ATP8A1: variants seen among roughly 807,000 people sequenced by gnomAD.
The protein encoded by ATP8A1 is phospholipid-transporting ATPase IA.
Under a neutral mutation model 177.7 loss-of-function variants are expected in ATP8A1, and 90 were observed. The ratio of observed to expected loss-of-function variants is 0.51; its 90% CI spans 0.43 to 0.60. ATP8A1 has a LOEUF of 0.60. Ranked by LOEUF, ATP8A1 falls within the 20% of genes least tolerant of loss-of-function variation. The pLI is 0.00. For synonymous variants in ATP8A1, 493 were observed against 485.9 expected, an observed-to-expected ratio of 1.01 and a Z score of -0.19; for missense variants, 1,072 against 1,392.8, an observed-to-expected ratio of 0.77 and a Z score of 3.67.
intron 20 of ATP8A1, among the ~76,000 whole-genome samples, chr4:42,537,669 A>C (rs577687499): frequency 7.2e-4 from 110 of 152,300 alleles, no homozygotes; most frequent in Non-Finnish European, 1.1e-3. Context: ...CAATAGCTGC[A>C]AAAAAATAAA....
Position 42,656,896 on chromosome 4 carries a change from T to C in ATP8A1, c.-23A>G. ...CATCGCGGCGGCGGCTGCAGGTGGG[T>C]CCTCAGCCCGGACTCTGCACCTGTC... On this transcript the variant is annotated 5_prime_UTR_variant, in exon 1 of 37. Transcript: ENST00000381668. 6.4e-7 allele frequency: 1 copy of C among 1,569,520 alleles called. No individual in the cohort carries two copies.
intron 33 of ATP8A1, among the ~76,000 whole-genome samples, chr4:42,440,514 A>G (rs1716505442): frequency 6.6e-6 from 1 of 152,114 alleles, no homozygotes; most frequent in Admixed American, 6.6e-5. Context: ...GCACTAGAAA[A>G]GTGAGCTATG....
rs1289554647 is a variant in ATP8A1 at position 42,535,937 on chromosome 4, A to G, written c.1722+7980T>C. Among the ~76,000 whole-genome samples the G allele has an allele frequency of 2.0e-5, 3 of 152,350 alleles. No individual in the cohort carries two copies. The East Asian group carries it at 5.8e-4, about 29-fold the overall frequency. On this transcript the variant is annotated intron_variant, in intron 20 of 36. Transcript: ENST00000381668. ...CTGAATAATAGTGACACAAACTATC[A>G]AAACCTCTGGGACACAGCACAAGGG... is the stretch of plus-strand genomic sequence containing the variant.
intron 25 of ATP8A1, among the ~76,000 whole-genome samples, chr4:42,469,655 T>C (rs1234455596): frequency 6.6e-6 from 1 of 152,196 alleles, no homozygotes; most frequent in Admixed American, 6.5e-5. Context: ...AGAATTTGAC[T>C]TGGCCTTTGA....
intron 1 of ATP8A1, among the ~76,000 whole-genome samples, chr4:42,634,398 T>G (rs894573273): frequency 6.6e-5 from 10 of 152,248 alleles, no homozygotes; most frequent in African/African-American, 2.4e-4. Flanking sequence ...AAATTAATTT[T>G]GCCCATTACT....
chr4:42,576,509 G>C (rs1202690642), intron 12 of ATP8A1, among the ~76,000 whole-genome samples: 1 of 91,136 alleles, frequency 1.1e-5, no homozygotes, highest in Admixed American at 1.1e-4. Flanking sequence ...AAAAAAAAGA[G>C]CATAGTTTTT....
chr4:42,458,227 A>T (rs1422213759), intron 27 of ATP8A1, among the ~76,000 whole-genome samples: 3 of 152,226 alleles, frequency 2.0e-5, no homozygotes, highest in Non-Finnish European at 4.4e-5. Flanking sequence ...AACACATAAA[A>T]GTACCTCCTC....
rs149713378 is a variant in ATP8A1, at chr4:42,449,413, C to T, written c.2896+2568G>A. 2.0e-4 allele frequency among the ~76,000 whole-genome samples: 30 copies of T among 152,294 alleles called. No individual in the cohort carries two copies. In the East Asian group the frequency reaches 5.6e-3, roughly 28 times the overall value. On this transcript the variant is annotated intron_variant, in intron 30 of 36. Coordinates refer to ENST00000381668, the MANE Select transcript of ATP8A1 (RefSeq NM_006095.2). ...AATGACTACTAGCACAGTGGTACCA[C>T]TGTTTGTGGATGGCAAAAGGGTCTT... is the stretch of plus-strand genomic sequence containing the variant.
chr4:42,608,197 C>A (rs967980072), intron 5 of ATP8A1, among the ~76,000 whole-genome samples: 17 of 152,126 alleles, frequency 1.1e-4, no homozygotes, highest in Non-Finnish European at 1.3e-4. Flanking sequence ...GCCAGTTTCT[C>A]AGGACCCAAT....
intron 5 of ATP8A1, among the ~76,000 whole-genome samples, chr4:42,600,745 T>C (rs980605856): frequency 2.0e-5 from 3 of 152,196 alleles, no homozygotes; most frequent in Non-Finnish European, 4.4e-5. Context: ...GAGCATCTGA[T>C]TGGTGTTACC....
chr4:42,452,877 ATAG>A (rs1391275740), intron 29 of ATP8A1, among the ~76,000 whole-genome samples: 1 of 152,222 alleles, frequency 6.6e-6, no homozygotes, highest in East Asian at 1.9e-4. Flanking sequence ...GCATGTATTA[ATAG>A]TTTTAAGCTG....
intron 24 of ATP8A1, among the ~76,000 whole-genome samples, chr4:42,499,999 T>C (rs1723689234): frequency 1.3e-5 from 2 of 152,372 alleles, no homozygotes; most frequent in African/African-American, 4.8e-5. Flanking sequence ...TGGGCATTGC[T>C]GTGGAGTTAG....
chr4:42,455,052 C>G (rs762184484), intron 29 of ATP8A1, among the ~76,000 whole-genome samples: 10 of 152,152 alleles, frequency 6.6e-5, no homozygotes, highest in Non-Finnish European at 1.2e-4. Flanking sequence ...TGCTGCCTTA[C>G]AAACCCAAGT....
intron 3 of ATP8A1, among the ~76,000 whole-genome samples, 194 bp from the exon 4 acceptor site, chr4:42,624,828 C>T (rs1737876654): frequency 6.6e-6 from 1 of 152,046 alleles, no homozygotes; most frequent in African/African-American, 2.4e-5. Context: ...TCACAGTAAG[C>T]AGTTGTATAT....
rs777578432 is a variant in ATP8A1 at position 42,600,522 on chromosome 4, G to C, written c.410-4C>G. On this transcript the variant is annotated splice_region_variant and splice_polypyrimidine_tract_variant and intron_variant, in intron 5 of 36. Transcript: ENST00000381668. ...TCCCAAGCACCATTTCTCAAAACTG[G>C]AAAGAGAAAAGGTGACATTTTAAAC... 1.2e-6 allele frequency: 2 copies of C among 1,608,150 alleles called. No homozygotes were observed. The highest frequency in any genetic ancestry group is 2.2e-5 in the East Asian group (1 of 44,512).
At chr4:42,651,914 C>T (rs1377870273) in intron 1 of ATP8A1, among the ~76,000 whole-genome samples, 1 of 152,210 alleles carries the variant, frequency 6.6e-6, no homozygotes, top group East Asian at 1.9e-4. Flanking sequence ...CAGTCTGTTT[C>T]CAGATTTCAA....
At chr4:42,631,729 T>A (rs192764031) in intron 1 of ATP8A1, among the ~76,000 whole-genome samples, 360 of 152,306 alleles carry the variant, frequency 2.4e-3, no homozygotes, top group Admixed American at 4.4e-3. Context: ...ATTTCCACCT[T>A]CGAACACAAA....
At chr4:42,570,007 T>C (rs1362863734) in intron 14 of ATP8A1, among the ~76,000 whole-genome samples, 1 of 152,208 alleles carries the variant, frequency 6.6e-6, no homozygotes, top group Non-Finnish European at 1.5e-5. Flanking sequence ...TTATTAGACA[T>C]GGAGTTTTAA....
intron 25 of ATP8A1, chr4:42,472,013 A>G (rs529009121): frequency 1.9e-5 from 14 of 720,062 alleles, no homozygotes; most frequent in Admixed American, 1.8e-4. Context: ...CTGTTCCTCA[A>G]CTGAAATCTT....
Sources: allele counts gnomAD v4.1 joint callset (sites outside exome capture counted in the v4.1 genomes callset), GRCh38; gene constraint gnomAD v4.1.1; transcripts MANE v1.5; gene names NCBI Gene and HGNC (gene_info 2026-07-23, HGNC 2026-07-21).